The following SSH2 variants were observed in gnomAD, a reference collection of about 807,000 sequenced individuals.
SSH2 encodes the protein protein phosphatase Slingshot homolog 2.
SSH2 carries 37 observed loss-of-function variants against 135.2 expected under a neutral mutation model. That is an observed-to-expected ratio of 0.27 (90% CI 0.21 to 0.36). The LOEUF (loss-of-function observed/expected upper bound fraction) is 0.36, where lower values mean the gene tolerates loss of function less well. Ranked by LOEUF, SSH2 falls within the 10% of genes least tolerant of loss-of-function variation. The pLI is 1.00. For synonymous variants in SSH2, 628 were observed against 646.2 expected (o/e 0.97, Z 0.43); for missense variants, 1,408 against 1,765.3 (o/e 0.80, Z 3.63).
At chr17:29,896,491 T>C (rs1048580611) in intron 1 of SSH2, among the ~76,000 whole-genome samples, 2 of 149,856 alleles carry the variant, frequency 1.3e-5, no homozygotes, top group Admixed American at 1.3e-4. Context: ...TGCCATGTTA[T>C]AACAGGCACT....
At position 29,907,411 on chromosome 17, in the gene SSH2, T is replaced by C. The variant is rs115902642; in HGVS notation, c.63+22527A>G. 1.5e-3 allele frequency among the ~76,000 whole-genome samples: 236 copies of C among 152,274 alleles called. 1 individual carries two copies. Among genetic ancestry groups the C allele is most frequent in the African/African-American group, 5.4e-3 (224 of 41,554 alleles). ...AATAGCTAACGTATGCTGGGCTTAA[T>C]ACCTAGGTAATGGGATGATCTGTGT... On this transcript the variant is annotated intron_variant, in intron 1 of 15. Transcript: ENST00000540801.
intron 5 of SSH2, among the ~76,000 whole-genome samples, chr17:29,693,575 G>C (rs986801590): frequency 1.3e-5 from 2 of 152,112 alleles, no homozygotes; most frequent in Non-Finnish European, 2.9e-5. Context: ...GCCTCCCAAA[G>C]TGTTGGGATT....
At chr17:29,678,093 ATTTTTTTTT>A (rs56386467) in intron 6 of SSH2, among the ~76,000 whole-genome samples, 1 of 136,030 alleles carries the variant, frequency 7.4e-6, no homozygotes, top group African/African-American at 2.8e-5. Flanking sequence ...GACTCCAAGG[ATTTTTTTTT>A]TTTTTTTTTG....
At chr17:29,792,212 C>G (rs992809590) in intron 3 of SSH2, among the ~76,000 whole-genome samples, 4 of 151,816 alleles carry the variant, frequency 2.6e-5, no homozygotes, top group African/African-American at 7.3e-5. Context: ...CTTTATAGTT[C>G]TTAATGGCTT....
chr17:29,797,566 G>A (rs969676349), intron 2 of SSH2, among the ~76,000 whole-genome samples: 1 of 152,088 alleles, frequency 6.6e-6, no homozygotes, highest in African/African-American at 2.4e-5. Flanking sequence ...TCTTATTGAT[G>A]GATACATTTG....
chr17:29,832,529 T>C (rs2042865771), intron 2 of SSH2, among the ~76,000 whole-genome samples: 1 of 152,288 alleles, frequency 6.6e-6, no homozygotes, highest in African/African-American at 2.4e-5. Context: ...AACTGCTTCA[T>C]TGACCTGCTG....
rs774081332 is a variant in SSH2 at position 29,636,283 on chromosome 17, G to T, written c.1947C>A (p.Asp649Glu). Residue 649 changes from aspartate to glutamate, a missense_variant, in exon 15 of 16, where the codon GAC (aspartate) becomes GAA (glutamate). By Grantham distance (45) the Asp-to-Glu change is conservative (BLOSUM62 2). Transcript: ENST00000540801. ...ACTCAGGATCAGGGGACATGGGGGGGTCTTTCAGTGGAGATGTCAATTCTT... is the reference window on the plus strand; with the variant it reads ...ACTCAGGATCAGGGGACATGGGGGGTTCTTTCAGTGGAGATGTCAATTCTT... ...PMEELTSPLK[D>E]PPMSPDPESP... The T allele has an allele frequency of 5.8e-5, 94 of 1,614,020 alleles. No homozygotes were observed. Among genetic ancestry groups the T allele is most frequent in the Non-Finnish European group, 7.6e-5 (90 of 1,180,026 alleles).
chr17:29,677,297 G>A (rs2037763951), intron 7 of SSH2, among the ~76,000 whole-genome samples: 1 of 152,006 alleles, frequency 6.6e-6, no homozygotes, highest in South Asian at 2.1e-4. Flanking sequence ...GTCACTGGAA[G>A]GAACTGGCAC....
intron 3 of SSH2, among the ~76,000 whole-genome samples, chr17:29,789,657 G>A (rs1036196827): frequency 4.6e-5 from 7 of 152,146 alleles, no homozygotes; most frequent in African/African-American, 1.4e-4. Context: ...GTGTGGGCAG[G>A]GCTCTTGCAG....
intron 3 of SSH2, among the ~76,000 whole-genome samples, chr17:29,746,574 G>GA (rs997949426): frequency 7.5e-6 from 1 of 132,702 alleles, no homozygotes; most frequent in Non-Finnish European, 1.6e-5. Context: ...AAAAAAAAAG[G>GA]AAAAAAGAGA....
At chr17:29,671,247 C>T (rs764064323) in intron 9 of SSH2, among the ~76,000 whole-genome samples, 3 of 151,914 alleles carry the variant, frequency 2.0e-5, no homozygotes, top group Non-Finnish European at 4.4e-5. Flanking sequence ...TTTGGTAGGC[C>T]GAGGCAGGAG....
At chr17:29,755,818 C>T (rs1271384189) in intron 3 of SSH2, among the ~76,000 whole-genome samples, 2 of 150,984 alleles carry the variant, frequency 1.3e-5, no homozygotes, top group African/African-American at 4.8e-5. Context: ...CCCGCCACCG[C>T]ACCCGGCTAA....
Position 29,672,045 on chromosome 17 carries a change from C to T in SSH2, c.699G>A (p.Val233=). The stretch of plus-strand genomic sequence containing the variant: ...AGTTGATATGGCTCTCATAATAACT[C>T]ACCCAAGTGAGAAATAGGCTGCCTG... ...YYPGSLFLTW[V]SYYESHINSD... The change falls in exon 9 of 16, where the codon GTG becomes GTA. Residue 233 remains valine, a synonymous_variant. Transcript: ENST00000540801. The T allele has an allele frequency of 6.2e-7, 1 of 1,614,142 alleles. No homozygotes were observed. The highest frequency in any genetic ancestry group is 8.5e-7 in the Non-Finnish European group (1 of 1,179,994).
intron 3 of SSH2, among the ~76,000 whole-genome samples, chr17:29,782,468 T>C (rs575171793): frequency 2.0e-5 from 3 of 152,350 alleles, no homozygotes; most frequent in Admixed American, 2.0e-4. Flanking sequence ...CCTCATGCTG[T>C]ATAATACTGC....
chr17:29,805,049 A>G (rs930117831), intron 2 of SSH2, among the ~76,000 whole-genome samples: 1 of 151,560 alleles, frequency 6.6e-6, no homozygotes, highest in African/African-American at 2.4e-5. Context: ...ACAGGCATGC[A>G]ATATGGAAAC....
chr17:29,787,430 T>A (rs941344564), intron 3 of SSH2: 21 of 152,350 alleles, frequency 1.4e-4, no homozygotes, highest in African/African-American at 4.8e-4. Flanking sequence ...AATGTTGCTA[T>A]GAACACGGGT....
rs1274942910 is a variant in SSH2, at chr17:29,703,602, G to T, written c.189-540C>A. Among the ~76,000 whole-genome samples the T allele has an allele frequency of 2.7e-5, 4 of 150,580 alleles. No homozygotes were observed. In the East Asian group the frequency reaches 7.8e-4, roughly 29 times the overall value. On this transcript the variant is annotated intron_variant, in intron 3 of 15. Coordinates refer to ENST00000540801, the MANE Select transcript of SSH2 (RefSeq NM_001282129.2). Reference sequence around the variant, plus strand: ...CAATATTCTTTTTTTTTGAGATGGAGTCTCACTCTGTTGCCCAGGCTGGAG... The same window carrying T: ...CAATATTCTTTTTTTTTGAGATGGATTCTCACTCTGTTGCCCAGGCTGGAG...
At chr17:29,678,321 C>A (rs1033812653) in intron 6 of SSH2, among the ~76,000 whole-genome samples, 1 of 152,132 alleles carries the variant, frequency 6.6e-6, no homozygotes, top group African/African-American at 2.4e-5. Context: ...GTCTCGAAGT[C>A]CTGATCCACC....
intron 3 of SSH2, among the ~76,000 whole-genome samples, chr17:29,747,897 G>A (rs1012432369): frequency 1.3e-5 from 2 of 152,266 alleles, no homozygotes; most frequent in African/African-American, 4.8e-5. Flanking sequence ...AACAGCTCTT[G>A]GAAACAGAGA....
Sources: allele counts gnomAD v4.1 joint callset (sites outside exome capture counted in the v4.1 genomes callset), GRCh38; gene constraint gnomAD v4.1.1; transcripts MANE v1.5; gene names NCBI Gene and HGNC (gene_info 2026-07-23, HGNC 2026-07-21).